Variants in SGCD observed in about 807,000 individuals in gnomAD.
SGCD encodes the protein delta-sarcoglycan.
SGCD carries 18 observed loss-of-function variants against 36.6 expected under a neutral mutation model. The observed-to-expected ratio is 0.49, with a 90% confidence interval of 0.34 to 0.73. SGCD has a LOEUF of 0.73. Among genes scored for constraint, SGCD ranks in the 30% least tolerant of loss-of-function variants. SGCD has a pLI of 0.01. For missense variants in SGCD, 387 were observed against 346.7 expected (o/e 1.12, Z -0.92); for synonymous variants, 133 against 130.6 (o/e 1.02, Z -0.12).
intron 1 of SGCD, among the ~76,000 whole-genome samples, chr5:155,910,065 A>G (rs1756599826): frequency 6.6e-6 from 1 of 151,958 alleles, no homozygotes; most frequent in South Asian, 2.1e-4. Context: ...GTTGTATTGT[A>G]TTATGAATTT....
intron 1 of SGCD, among the ~76,000 whole-genome samples, chr5:155,965,986 G>A (rs1232474626): frequency 6.6e-5 from 10 of 152,034 alleles, no homozygotes; most frequent in Admixed American, 6.6e-4. Flanking sequence ...TTCCCTGCCT[G>A]ATGCTCCCTT....
chr5:155,951,147 G>A (rs1757539540), intron 1 of SGCD, among the ~76,000 whole-genome samples: 1 of 152,174 alleles, frequency 6.6e-6, no homozygotes, highest in South Asian at 2.1e-4. Context: ...TGACACAGCT[G>A]TGTCAAATGC....
rs562383472 is a variant in SGCD, at chr5:156,759,551, G to GATATAAATAT, written c.*181_*190dup. The GATATAAATAT allele has an allele frequency of 4.0e-6, 1 of 252,786 alleles. No homozygotes were observed. Among genetic ancestry groups the GATATAAATAT allele is most frequent in the Admixed American group, 5.4e-5 (1 of 18,616 alleles). 15.7% of individuals were successfully genotyped at this position (252,786 alleles called of 1,614,324 possible). A position where few individuals can be genotyped will look rare whatever the true frequency, so the allele number is the denominator to read the frequency against. Reference sequence around the variant, plus strand: ...TTGAGTGTGTTCGCGTGTGTGGGTGGATATAAATATATATAAATATATATA... The same window carrying GATATAAATAT: ...TTGAGTGTGTTCGCGTGTGTGGGTGGATATAAATATATATAAATATATATAAATATATATA... On this transcript the variant is annotated 3_prime_UTR_variant, in exon 9 of 9. Coordinates refer to ENST00000337851, the MANE Select transcript of SGCD (RefSeq NM_000337.6).
intron 7 of SGCD, among the ~76,000 whole-genome samples, chr5:156,718,361 G>T (rs1464558691): frequency 6.6e-6 from 1 of 152,176 alleles, no homozygotes; most frequent in Admixed American, 6.5e-5. Flanking sequence ...CTCCCAATAT[G>T]AATGGGCACT....
intron 3 of SGCD, among the ~76,000 whole-genome samples, chr5:156,368,626 C>T (rs1314329732): frequency 6.6e-6 from 1 of 152,034 alleles, no homozygotes; most frequent in East Asian, 1.9e-4. Context: ...TATTTACAGC[C>T]ACTCTCCATC....
At chr5:156,368,121 C>T (rs1770201002) in intron 3 of SGCD, among the ~76,000 whole-genome samples, 1 of 151,324 alleles carries the variant, frequency 6.6e-6, no homozygotes, top group South Asian at 2.1e-4. Flanking sequence ...GACGAAATCT[C>T]ACTCTTGTCA....
the SGCD span, among the ~76,000 whole-genome samples, chr5:155,734,107 A>G: frequency 6.8e-6 from 1 of 147,366 alleles, no homozygotes. Context: ...ATTATTAATT[A>G]TATTAATTAA....
intron 3 of SGCD, among the ~76,000 whole-genome samples, chr5:156,134,507 C>T (rs1762405946): frequency 6.6e-6 from 1 of 152,102 alleles, no homozygotes; most frequent in Non-Finnish European, 1.5e-5. Context: ...TTTTAAATCA[C>T]CTCTCTCTTG....
chr5:156,258,764 T>G (rs1174298381), intron 3 of SGCD, among the ~76,000 whole-genome samples: 1 of 152,210 alleles, frequency 6.6e-6, no homozygotes, highest in Non-Finnish European at 1.5e-5. Context: ...TAATTTCTCA[T>G]TAAAATGTTA....
chr5:156,395,993 A>G (rs1771828039), intron 3 of SGCD, among the ~76,000 whole-genome samples: 1 of 152,218 alleles, frequency 6.6e-6, no homozygotes, highest in South Asian at 2.1e-4. Flanking sequence ...TTTAATTTTG[A>G]CATATCCATA....
At chr5:155,998,533 T>C (rs947299136) in intron 1 of SGCD, among the ~76,000 whole-genome samples, 4 of 152,176 alleles carry the variant, frequency 2.6e-5, no homozygotes, top group African/African-American at 9.7e-5. Flanking sequence ...AGAATTTTCA[T>C]TGATGGCATT....
chr5:156,759,233 C>A lies in SGCD; in HGVS notation c.716C>A (p.Ala239Glu). ...SKDGEIKLDA[A>E]KIRLPRLPHG... ...TGTCTTTAGATTAAGTTAGATGCTGCGAAAATCAGGCTACCTAGACTGCCT... is the reference window on the plus strand; with the variant it reads ...TGTCTTTAGATTAAGTTAGATGCTGAGAAAATCAGGCTACCTAGACTGCCT... Residue 239 changes from alanine to glutamate, a missense_variant, in exon 9 of 9, where the codon GCG becomes GAG. Transcript: ENST00000337851. 1.2e-6 allele frequency: 2 copies of A among 1,613,572 alleles called. No individual in the cohort carries two copies. Among genetic ancestry groups the A allele is most frequent in the Non-Finnish European group, 8.5e-7 (1 of 1,179,574 alleles).
the SGCD span, among the ~76,000 whole-genome samples, chr5:155,851,117 A>C: frequency 6.6e-6 from 1 of 152,204 alleles, no homozygotes; most frequent in African/African-American, 2.4e-5. Flanking sequence ...TGAGAAATTT[A>C]ATCTACATTC....
At chr5:156,578,969 G>A (rs1760111401) in intron 4 of SGCD, among the ~76,000 whole-genome samples, 1 of 152,152 alleles carries the variant, frequency 6.6e-6, no homozygotes, top group South Asian at 2.1e-4. Flanking sequence ...TTTTGAATGT[G>A]TTTGCTCTTC....
intron 1 of SGCD, among the ~76,000 whole-genome samples, chr5:156,116,830 C>T (rs765661112): frequency 6.6e-6 from 1 of 152,132 alleles, no homozygotes; most frequent in African/African-American, 2.4e-5. Context: ...CTGGCACATA[C>T]AAGCTCAATA....
At chr5:156,234,033 C>T (rs1210737270) in intron 3 of SGCD, among the ~76,000 whole-genome samples, 1 of 152,188 alleles carries the variant, frequency 6.6e-6, no homozygotes, top group Non-Finnish European at 1.5e-5. Context: ...ATTCCCATTG[C>T]TCTACATCCT....
the SGCD span, among the ~76,000 whole-genome samples, chr5:155,813,321 A>G: frequency 3.9e-4 from 60 of 152,274 alleles, no homozygotes; most frequent in African/African-American, 1.4e-3. Flanking sequence ...AAGAAAGGCA[A>G]ACTATCAAGT....
chr5:156,641,813 A>G (rs2113566126), intron 6 of SGCD, among the ~76,000 whole-genome samples: 1 of 152,142 alleles, frequency 6.6e-6, no homozygotes, highest in South Asian at 2.1e-4. Context: ...TTCCTCAGCC[A>G]TCCACTCTTC....
intron 1 of SGCD, among the ~76,000 whole-genome samples, chr5:156,115,711 C>T (rs1761891631): frequency 6.6e-6 from 1 of 151,932 alleles, no homozygotes; most frequent in Non-Finnish European, 1.5e-5. Context: ...TCTATTAATC[C>T]ATAGTTTTCC....
Sources: allele counts gnomAD v4.1 joint callset (sites outside exome capture counted in the v4.1 genomes callset), GRCh38; gene constraint gnomAD v4.1.1; transcripts MANE v1.5; gene names NCBI Gene and HGNC (gene_info 2026-07-23, HGNC 2026-07-21).